KIRREL3: variants seen among roughly 807,000 people sequenced by gnomAD.
KIRREL3 encodes kin of IRRE-like protein 3.
KIRREL3 carries 36 observed loss-of-function variants against 89.7 expected under a neutral mutation model. That is an observed-to-expected ratio of 0.40 (90% CI 0.31 to 0.53). The LOEUF (loss-of-function observed/expected upper bound fraction) is 0.53, where lower values mean the gene tolerates loss of function less well. Ranked by LOEUF, KIRREL3 falls within the 20% of genes least tolerant of loss-of-function variation. The pLI is 0.49. For missense variants in KIRREL3, 864 were observed against 1,056.6 expected, an observed-to-expected ratio of 0.82 and a Z score of 2.53; for synonymous variants, 445 against 441.4, an observed-to-expected ratio of 1.01 and a Z score of -0.10.
In KIRREL3 at chr11:126,994,634, T is replaced by C. The variant is rs1950126328; in HGVS notation, c.55+5821A>G. ...AAGTATACAGCCAGAATACTCATTTTTACCACTGGGAGAGGAGAAAAAGAA... is the reference window on the plus strand; with the variant it reads ...AAGTATACAGCCAGAATACTCATTTCTACCACTGGGAGAGGAGAAAAAGAA... On this transcript the variant is annotated intron_variant, in intron 1 of 16. Coordinates refer to ENST00000525144, the MANE Select transcript of KIRREL3 (RefSeq NM_032531.4). This position sits in a 1 kb window ranked among gnomAD's most constrained non-coding sequence, Gnocchi z 5.2. Among the ~76,000 whole-genome samples the C allele has an allele frequency of 6.6e-6, 1 of 152,252 alleles. No homozygotes were observed. Among genetic ancestry groups the C allele is most frequent in the Non-Finnish European group, 1.5e-5 (1 of 68,044 alleles).
At chr11:126,469,152 A>G (rs1956812458) in intron 5 of KIRREL3, among the ~76,000 whole-genome samples, 1 of 152,208 alleles carries the variant, frequency 6.6e-6, no homozygotes. Flanking sequence ...CGGCAAGGTG[A>G]GGTCACGCAG....
chr11:126,487,904 G>C (rs867993006), intron 4 of KIRREL3, among the ~76,000 whole-genome samples: 20 of 152,346 alleles, frequency 1.3e-4, no homozygotes, highest in South Asian at 6.2e-4. Flanking sequence ...TGTCCTGAAA[G>C]GGGTAAAGAG....
chr11:126,927,298 A>G (rs1053828342), intron 1 of KIRREL3, among the ~76,000 whole-genome samples: 2 of 152,210 alleles, frequency 1.3e-5, no homozygotes, highest in East Asian at 1.9e-4. Flanking sequence ...CACACTATGC[A>G]CTTGATACAC....
rs1447122799 is a variant in KIRREL3, at chr11:126,651,024, C to T, written c.56-88112G>A. On this transcript the variant is annotated intron_variant, in intron 1 of 16. Coordinates refer to ENST00000525144, the MANE Select transcript of KIRREL3 (RefSeq NM_032531.4). This position sits in a 1 kb window ranked among gnomAD's most constrained non-coding sequence, Gnocchi z 4.6. ...TAAAACCATCAGATCTCATGAGACACATTCACTTCCATGAGAACAGTATGG... is the reference window on the plus strand; with the variant it reads ...TAAAACCATCAGATCTCATGAGACATATTCACTTCCATGAGAACAGTATGG... Among the ~76,000 whole-genome samples, 2 of 152,160 alleles carry T rather than the reference C, an allele frequency of 1.3e-5. No homozygotes were observed. Among genetic ancestry groups the T allele is most frequent in the East Asian group, 3.9e-4 (2 of 5,174 alleles).
rs556783257 is a variant in KIRREL3, at chr11:126,860,022, C to T, written c.55+140433G>A. On this transcript the variant is annotated intron_variant, in intron 1 of 16. Coordinates refer to ENST00000525144, the MANE Select transcript of KIRREL3 (RefSeq NM_032531.4). This position sits in a 1 kb window ranked among gnomAD's most constrained non-coding sequence, Gnocchi z 4.6. Reference sequence around the variant, plus strand: ...ACCTTTAGAGCTGTATTAACTCTGACGTTCTACTATTGTCTGAGAAGCGTA... The same window carrying T: ...ACCTTTAGAGCTGTATTAACTCTGATGTTCTACTATTGTCTGAGAAGCGTA... 6.1e-4 allele frequency among the ~76,000 whole-genome samples: 93 copies of T among 152,210 alleles called. No homozygotes were observed. Among genetic ancestry groups the T allele is most frequent in the African/African-American group, 2.0e-3 (83 of 41,506 alleles).
intron 1 of KIRREL3, among the ~76,000 whole-genome samples, chr11:126,913,910 C>A (rs1376024588): frequency 6.6e-6 from 1 of 152,180 alleles, no homozygotes; most frequent in East Asian, 1.9e-4. Context: ...CATTGCTAGG[C>A]AGCACATCTG....
Position 126,682,497 on chromosome 11 carries a change from A to T in KIRREL3, c.56-119585T>A, listed in dbSNP as rs760735801. ...TTTACCAGGCTTTTTTTCACCTCAA[A>T]TGAGTGATGACCTCTGAGTGCGGAG... On this transcript the variant is annotated intron_variant, in intron 1 of 16. Transcript: ENST00000525144. This position sits in a 1 kb window ranked among gnomAD's most constrained non-coding sequence, Gnocchi z 4.8. Among the ~76,000 whole-genome samples, 1 of 152,030 alleles carries T rather than the reference A, an allele frequency of 6.6e-6. No homozygotes were observed. Among genetic ancestry groups the T allele is most frequent in the African/African-American group, 2.4e-5 (1 of 41,382 alleles).
intron 1 of KIRREL3, among the ~76,000 whole-genome samples, chr11:126,915,600 C>A (rs1391226296): frequency 6.6e-6 from 1 of 152,172 alleles, no homozygotes; most frequent in Non-Finnish European, 1.5e-5. Context: ...ATCATTGACT[C>A]ACATGAAGAG....
rs977358978 is a variant in KIRREL3 at position 126,989,561 on chromosome 11, C to T, written c.55+10894G>A. 6.6e-6 allele frequency among the ~76,000 whole-genome samples: 1 copy of T among 152,226 alleles called. No individual in the cohort carries two copies. Among genetic ancestry groups the T allele is most frequent in the South Asian group, 2.1e-4 (1 of 4,834 alleles). Reference sequence around the variant, plus strand: ...GAGTGGATTGTTCCCATGGTGGCTGCACCTTTCCTTCATTCTATTCCCGCT... The same window carrying T: ...GAGTGGATTGTTCCCATGGTGGCTGTACCTTTCCTTCATTCTATTCCCGCT... On this transcript the variant is annotated intron_variant, in intron 1 of 16. Coordinates refer to ENST00000525144, the MANE Select transcript of KIRREL3 (RefSeq NM_032531.4). The surrounding 1 kb of genome is among the most constrained non-coding windows in gnomAD (Gnocchi z 6.2).
Position 126,877,797 on chromosome 11 carries a change from TACAGTAGTATGTAATA to T in KIRREL3, c.55+122642_55+122657del, listed in dbSNP as rs1449379982. ...GAACAATGTAACAGAGAAAGTGACA[TACAGTAGTATGTAATA>T]ACAGAAGTATCTTGAACCTATCATC... On this transcript the variant is annotated intron_variant, in intron 1 of 16. Transcript: ENST00000525144. This position sits in a 1 kb window ranked among gnomAD's most constrained non-coding sequence, Gnocchi z 4.9. 6.6e-6 allele frequency among the ~76,000 whole-genome samples: 1 copy of T among 152,214 alleles called. No individual in the cohort carries two copies. The highest frequency in any genetic ancestry group is 1.5e-5 in the Non-Finnish European group (1 of 68,044).
intron 1 of KIRREL3, among the ~76,000 whole-genome samples, chr11:126,869,154 C>CTTTTT (rs36033176): frequency 8.2e-6 from 1 of 121,294 alleles, no homozygotes; most frequent in African/African-American, 3.1e-5. Flanking sequence ...TGCCTGAGGG[C>CTTTTT]TTTTTTTTTT....
intron 2 of KIRREL3, among the ~76,000 whole-genome samples, chr11:126,533,497 G>A (rs1189917244): frequency 6.6e-6 from 1 of 152,224 alleles, no homozygotes; most frequent in African/African-American, 2.4e-5. Context: ...TTCTCTGGGT[G>A]GATCAGAGTT....
intron 1 of KIRREL3, among the ~76,000 whole-genome samples, chr11:126,992,291 C>A (rs1349854684): frequency 1.3e-5 from 2 of 152,308 alleles, no homozygotes; most frequent in South Asian, 4.1e-4. Flanking sequence ...ACTCTCTAAC[C>A]CATTTCTCAG....
In KIRREL3 at chr11:126,903,457, G is replaced by T. The variant is rs553476299; in HGVS notation, c.55+96998C>A. ...GAATTGAATAATTGAGGTTGCTAAT[G>T]AATTTGAAAACTCAGCAAAGCAAGG... On this transcript the variant is annotated intron_variant, in intron 1 of 16. Transcript: ENST00000525144. The surrounding 1 kb of genome is among the most constrained non-coding windows in gnomAD (Gnocchi z 4.5). Among the ~76,000 whole-genome samples the T allele has an allele frequency of 7.2e-5, 11 of 152,288 alleles. No individual in the cohort carries two copies. The South Asian group carries it at 2.3e-3, about 32-fold the overall frequency.
In KIRREL3 at chr11:126,428,052, C is replaced by T. The variant is rs1260639172; in HGVS notation, c.1806+1127G>A. Among the ~76,000 whole-genome samples the T allele has an allele frequency of 5.3e-5, 8 of 152,204 alleles. No individual in the cohort carries two copies. The highest frequency in any genetic ancestry group is 1.2e-4 in the Non-Finnish European group (8 of 68,036). On this transcript the variant is annotated intron_variant, in intron 15 of 16. Transcript: ENST00000525144. The surrounding 1 kb of genome is among the most constrained non-coding windows in gnomAD (Gnocchi z 6.4). The stretch of plus-strand genomic sequence containing the variant: ...CAGGGCCTGTGTAAGGCTCCGAAGA[C>T]CCCGGGATGAACACAGCAGCAGCTG...
At chr11:126,450,229 G>A (rs543772631) in intron 7 of KIRREL3, among the ~76,000 whole-genome samples, 3 of 151,722 alleles carry the variant, frequency 2.0e-5, no homozygotes, top group East Asian at 3.9e-4. Context: ...ATGTGTGCAC[G>A]TGTGCATATG....
chr11:126,622,587 G>C lies in KIRREL3; in HGVS notation c.56-59675C>G, dbSNP rs1943616686. ...GCCTGTAATCCCAGCTACTCAGGAG[G>C]CTGAGGCAGAAGAATCACTTGAACC... On this transcript the variant is annotated intron_variant, in intron 1 of 16. Transcript: ENST00000525144. This position sits in a 1 kb window ranked among gnomAD's most constrained non-coding sequence, Gnocchi z 5.2. 1.3e-5 allele frequency among the ~76,000 whole-genome samples: 2 copies of C among 152,212 alleles called. No homozygotes were observed.
rs1444574687 is a variant in KIRREL3, at chr11:126,528,076, G to T, written c.134-1389C>A. Among the ~76,000 whole-genome samples, 1 of 152,192 alleles carries T rather than the reference G, an allele frequency of 6.6e-6. No individual in the cohort carries two copies. The highest frequency in any genetic ancestry group is 1.5e-5 in the Non-Finnish European group (1 of 68,042). On this transcript the variant is annotated intron_variant, in intron 2 of 16. Transcript: ENST00000525144. The surrounding 1 kb of genome is among the most constrained non-coding windows in gnomAD (Gnocchi z 4.6). ...AGAGAGGCACAGTAACCTGCCCAAG[G>T]TCACGCAGCTAATGAGTGTTAGAGC... is the stretch of plus-strand genomic sequence containing the variant.
chr11:126,702,494 A>G (rs1363570434), intron 1 of KIRREL3, among the ~76,000 whole-genome samples: 2 of 152,190 alleles, frequency 1.3e-5, no homozygotes, highest in African/African-American at 4.8e-5. Context: ...GGCTGACGTC[A>G]GGGAGAGGTG....
Sources: gnomAD v4.1 joint callset for allele counts (sites outside exome capture counted in the v4.1 genomes callset) on GRCh38, gnomAD v4.1.1 for gene constraint, Gnocchi (gnomAD v3.1) non-coding constraint, MANE v1.5 for transcripts, NCBI Gene and HGNC (gene_info 2026-07-23, HGNC 2026-07-21) for gene names.